ATP5MC3: variants seen among roughly 807,000 people sequenced by gnomAD.
The protein encoded by ATP5MC3 is ATP synthase membrane subunit c locus 3, also known as ATP synthase F(0) complex subunit C3, mitochondrial.
Under a neutral mutation model 15.6 loss-of-function variants are expected in ATP5MC3, and 6 were observed. The observed-to-expected ratio is 0.38, with a 90% CI of 0.21 to 0.76. ATP5MC3 has a LOEUF of 0.76. ATP5MC3 is among the 30% of genes least tolerant of loss of function. ATP5MC3 has a pLI of 0.44. For missense variants in ATP5MC3, 132 were observed against 171.2 expected (o/e 0.77, Z 1.28); for synonymous variants, 66 against 63.3 (o/e 1.04, Z -0.20).
chr2:175,180,403 A>G (rs532866764), intron 2 of ATP5MC3, among the ~76,000 whole-genome samples: 34 of 152,362 alleles, frequency 2.2e-4, no homozygotes, highest in African/African-American at 7.9e-4. Context: ...AAAATTTCTA[A>G]TAACAGTTAC....
Position 175,178,110 on chromosome 2 carries a change from C to G in ATP5MC3, c.*178G>C, listed in dbSNP as rs1370660635. Reference sequence around the variant, plus strand: ...AATGCACGTTCTTCTTTGTGATAATCTAAACTTAGTGTAAGTACAAATCAC... The same window carrying G: ...AATGCACGTTCTTCTTTGTGATAATGTAAACTTAGTGTAAGTACAAATCAC... On this transcript the variant is annotated 3_prime_UTR_variant, in exon 5 of 5. Coordinates refer to ENST00000284727, the MANE Select transcript of ATP5MC3 (RefSeq NM_001689.5). The G allele has an allele frequency of 4.9e-5, 62 of 1,258,658 alleles. No individual in the cohort carries two copies. The highest frequency in any genetic ancestry group is 6.3e-5 in the Non-Finnish European group (61 of 962,464). 78.0% of individuals were successfully genotyped at this position (1,258,658 alleles called of 1,614,324 possible).
rs1470476237 is a variant in ATP5MC3 at position 175,179,179 on chromosome 2, T to C, written c.192A>G (p.Ala64=). Residue 64 remains alanine (A), a synonymous_variant, in exon 4 of 5, where the codon GCA becomes GCG. Coordinates refer to ENST00000284727, the MANE Select transcript of ATP5MC3 (RefSeq NM_001689.5). ...CAGCAGTATCAATGTCTCTGCTGAT[T>C]GCACTGGTCTGAAACTCCCTTTGGA... ...QLIQREFQTS[A]ISRDIDTAAK... The C allele has an allele frequency of 1.2e-6, 2 of 1,614,246 alleles. No individual in the cohort carries two copies. The highest frequency in any genetic ancestry group is 1.7e-6 in the Non-Finnish European group (2 of 1,180,042).
chr2:175,179,418 A>G (rs903032664), intron 3 of ATP5MC3, among the ~76,000 whole-genome samples, 168 bp from the exon 4 acceptor site: 3 of 152,216 alleles, frequency 2.0e-5, no homozygotes, highest in Admixed American at 6.5e-5. Flanking sequence ...AGGGATAACA[A>G]TATCTACATC....
intron 2 of ATP5MC3, 98 bp from the exon 3 acceptor site, chr2:175,180,276 A>C (rs1398828379): frequency 1.1e-6 from 1 of 878,798 alleles, no homozygotes; most frequent in African/African-American, 1.8e-5. Context: ...AAAAGCAAGC[A>C]GTAAAAATGA....
intron 2 of ATP5MC3, among the ~76,000 whole-genome samples, chr2:175,180,538 G>T (rs191733751): frequency 1.9e-4 from 29 of 152,212 alleles, no homozygotes; most frequent in African/African-American, 6.0e-4. Flanking sequence ...TATTAGGAGC[G>T]TCACAATAAA....
In ATP5MC3 at chr2:175,177,516, C is replaced by T. The variant is rs1485771001; in HGVS notation, c.*772G>A. The T allele has an allele frequency of 2.0e-5, 3 of 152,292 alleles. No homozygotes were observed. The East Asian group carries it at 5.8e-4, about 29-fold the overall frequency. 9.4% of individuals were successfully genotyped at this position (152,292 alleles called of 1,614,324 possible). A position where few individuals can be genotyped will look rare whatever the true frequency, so the allele number is the denominator to read the frequency against. On this transcript the variant is annotated 3_prime_UTR_variant, in exon 5 of 5. Coordinates refer to ENST00000284727, the MANE Select transcript of ATP5MC3 (RefSeq NM_001689.5). ...GTTGAACCAGCTATCATCCCCAAGA[C>T]TCCCACTATAAACATGTTAGCAACA... is the stretch of plus-strand genomic sequence containing the variant.
chr2:175,178,859 C>G, intron 4 of ATP5MC3, 198 bp downstream of exon 4: 2 of 1,135,208 alleles, frequency 1.8e-6, no homozygotes, highest in Non-Finnish European at 2.3e-6. Context: ...CTCTGTGTCT[C>G]TAGTCCTTCA....
chr2:175,179,904 T>C (rs143450352), intron 3 of ATP5MC3, 194 bp downstream of exon 3: 2 of 524,364 alleles, frequency 3.8e-6, no homozygotes, highest in Admixed American at 4.1e-5. Context: ...AAGTTTTGGA[T>C]AGAGAAATTT....
At position 175,180,123 on chromosome 2, in the gene ATP5MC3, C is replaced by G; in HGVS notation, c.95G>C (p.Arg32Pro). The change falls in exon 3 of 5, where the codon CGA (arginine) becomes CCA (proline). Residue 32 changes from arginine (R) to proline (P), a missense_variant. Arg to Pro is a moderately radical substitution (Grantham distance 103). Around this residue, in one of 2 missense-constraint regions of ATP5MC3, gnomAD observed 90 missense variants for 86.2 expected, o/e 1.04. Transcript: ENST00000284727. The part of the protein sequence containing the change: ...YRPISASVLS[R>P]PEASRTGEGS... ...CTCTCCAGTCCTACTAGCCTCTGGTCGAGATAACACTGATGCAGAAATTGG... is the reference window on the plus strand; with the variant it reads ...CTCTCCAGTCCTACTAGCCTCTGGTGGAGATAACACTGATGCAGAAATTGG... 6.2e-7 allele frequency: 1 copy of G among 1,600,076 alleles called. No homozygotes were observed. The highest frequency in any genetic ancestry group is 8.5e-7 in the Non-Finnish European group (1 of 1,176,938).
intron 4 of ATP5MC3, chr2:175,178,608 G>A: frequency 1.6e-6 from 2 of 1,287,468 alleles, no homozygotes. Flanking sequence ...AATATAAATG[G>A]TTAGTTTTCA....
chr2:175,180,144 A>T lies in ATP5MC3; in HGVS notation c.74T>A (p.Ile25Asn). 6.2e-7 allele frequency: 1 copy of T among 1,600,006 alleles called. No homozygotes were observed. Among genetic ancestry groups the T allele is most frequent in the East Asian group, 2.3e-5 (1 of 44,268 alleles). ...TGGTCGAGATAACACTGATGCAGAA[A>T]TTGGTCTGTATGCAACTCTGGATCC... ...RAGSRVAYRP[I>N]SASVLSRPEA... is the part of the protein sequence containing the mutation. The change falls in exon 3 of 5, where the codon ATT becomes AAT. Residue 25 changes from isoleucine (I) to asparagine (N), a missense_variant. Transcript: ENST00000284727.
Position 175,181,483 on chromosome 2 carries a change from G to C in ATP5MC3, c.-73-17C>G. The C allele has an allele frequency of 6.5e-7, 1 of 1,533,140 alleles. No individual in the cohort carries two copies. Among genetic ancestry groups the C allele is most frequent in the Non-Finnish European group, 8.9e-7 (1 of 1,121,732 alleles). The allele number at this position is 1,533,140 out of a possible 1,614,324, so 95.0% of individuals were successfully genotyped here. A position where few individuals can be genotyped will look rare whatever the true frequency, so the allele number is the denominator to read the frequency against. On this transcript the variant is annotated splice_polypyrimidine_tract_variant and intron_variant, in intron 1 of 4. Coordinates refer to ENST00000284727, the MANE Select transcript of ATP5MC3 (RefSeq NM_001689.5). ...GCTTCCTCTCTGCGGAGGAAAAGAG[G>C]CTTAAGGTCAAGTGCCCTCCAGGGG...
In ATP5MC3 at chr2:175,180,081, A is replaced by T; in HGVS notation, c.120+17T>A. ...TATTTGGTAGTGTTACCTAATTTCA[A>T]TTATTGCTACTATTACCTCTCCAGT... On this transcript the variant is annotated intron_variant, in intron 3 of 4. Transcript: ENST00000284727. The T allele has an allele frequency of 6.4e-7, 1 of 1,570,414 alleles. No individual in the cohort carries two copies. The highest frequency in any genetic ancestry group is 8.6e-7 in the Non-Finnish European group (1 of 1,162,164).
chr2:175,178,483 G>C (rs1559142681), intron 4 of ATP5MC3, 81 bp from the exon 5 acceptor site: 3 of 1,503,558 alleles, frequency 2.0e-6, no homozygotes, highest in Admixed American at 5.1e-5. Flanking sequence ...CAGATTACTA[G>C]TGTGGGGATT....
At chr2:175,181,609 C>A (rs968949685) in intron 1 of ATP5MC3, 47 bp downstream of exon 1, 2 of 578,442 alleles carry the variant, frequency 3.5e-6, no homozygotes, top group African/African-American at 1.9e-5. Flanking sequence ...CCCTACTGGG[C>A]GCCGCTCCGC....
Position 175,177,513 on chromosome 2 carries a change from A to G in ATP5MC3, c.*775T>C, listed in dbSNP as rs983376533. 2 of 152,220 alleles carry G rather than the reference A, an allele frequency of 1.3e-5. No individual in the cohort carries two copies. Among genetic ancestry groups the G allele is most frequent in the Non-Finnish European group, 2.9e-5 (2 of 68,026 alleles). The allele number at this position is 152,220 out of a possible 1,614,324, so 9.4% of individuals were successfully genotyped here. On this transcript the variant is annotated 3_prime_UTR_variant, in exon 5 of 5. Transcript: ENST00000284727. ...ACTGTTGAACCAGCTATCATCCCCA[A>G]GACTCCCACTATAAACATGTTAGCA... is the stretch of plus-strand genomic sequence containing the variant.
chr2:175,181,527 G>T, intron 1 of ATP5MC3, 61 bp from the exon 2 acceptor site: 1 of 1,115,642 alleles, frequency 9.0e-7, no homozygotes, highest in Non-Finnish European at 1.3e-6. Flanking sequence ...TCCCACCCAG[G>T]CCCCGCAGGC....
Position 175,178,357 on chromosome 2 carries a change from T to TC in ATP5MC3, c.359dup (p.Phe121IlefsTer5). Reference sequence around the variant, plus strand: ...GACCCATAGCTTCAGACAAGGCAAATCCCAGGATAGCATATGAGAACAGCT... The same window carrying TC: ...GACCCATAGCTTCAGACAAGGCAAATCCCCAGGATAGCATATGAGAACAGCT... On this transcript the variant is annotated frameshift_variant, in exon 5 of 5. Transcript: ENST00000284727. LOFTEE classifies it high-confidence loss of function. 1 of 1,612,982 alleles carries TC rather than the reference T, an allele frequency of 6.2e-7. No individual in the cohort carries two copies. Among genetic ancestry groups the TC allele is most frequent in the South Asian group, 1.1e-5 (1 of 90,806 alleles).
chr2:175,180,060 TG>T, intron 3 of ATP5MC3, 37 bp downstream of exon 3: 2 of 1,455,596 alleles, frequency 1.4e-6, no homozygotes, highest in Non-Finnish European at 1.9e-6. Context: ...TACCCTTATT[TG>T]GTAGTGTTAC....
Sources: gnomAD v4.1 joint callset for allele counts (sites outside exome capture counted in the v4.1 genomes callset) on GRCh38, gnomAD v4.1.1 for gene constraint, gnomAD v4.1.1 regional missense constraint, MANE v1.5 for transcripts, NCBI Gene and HGNC (gene_info 2026-07-23, HGNC 2026-07-21) for gene names.